Variants in PIK3CB observed in about 807,000 individuals in gnomAD.
PIK3CB encodes the protein phosphatidylinositol-4,5-bisphosphate 3-kinase catalytic subunit beta, also known as phosphatidylinositol 4,5-bisphosphate 3-kinase catalytic subunit beta isoform.
In PIK3CB, 39 loss-of-function variants were observed where a neutral mutation model predicts 136.8. That is an observed-to-expected ratio of 0.29 (90% CI 0.22 to 0.37). PIK3CB has a LOEUF of 0.37. Ranked by LOEUF, PIK3CB falls within the 10% of genes least tolerant of loss-of-function variation. The pLI is 1.00. For missense variants in PIK3CB, 868 were observed against 1,275.4 expected (o/e 0.68, Z 4.87); for synonymous variants, 428 against 436.6 (o/e 0.98, Z 0.25).
At chr3:138,775,441 G>A (rs1436043971) in intron 2 of PIK3CB, among the ~76,000 whole-genome samples, 5 of 152,116 alleles carry the variant, frequency 3.3e-5, no homozygotes, top group East Asian at 1.9e-4. Context: ...AGAGACTAGC[G>A]GAGGCATGTC....
At chr3:138,752,458 A>T (rs1252623793) in intron 4 of PIK3CB, among the ~76,000 whole-genome samples, 2 of 152,252 alleles carry the variant, frequency 1.3e-5, no homozygotes, top group African/African-American at 4.8e-5. Flanking sequence ...TCAAGTATTA[A>T]AAGTGAAAAT....
intron 13 of PIK3CB, among the ~76,000 whole-genome samples, chr3:138,697,226 A>C (rs2108524966): frequency 6.6e-6 from 1 of 152,196 alleles, no homozygotes; most frequent in South Asian, 2.1e-4. Flanking sequence ...AAAAATGCTT[A>C]GATCTTGTTT....
intron 1 of PIK3CB, among the ~76,000 whole-genome samples, chr3:138,804,798 G>A (rs9854852): frequency 0.34 from 51,289 of 151,632 alleles, 10,204 homozygotes; most frequent in Non-Finnish European, 0.46. Flanking sequence ...GCCAAGGTGG[G>A]CGGATCACGA....
intron 11 of PIK3CB, among the ~76,000 whole-genome samples, chr3:138,705,172 AACAAAAAAC>A (rs1353180819): frequency 1.1e-5 from 1 of 87,482 alleles, no homozygotes; most frequent in African/African-American, 5.7e-5. Flanking sequence ...AAAAAAAAAA[AACAAAAAAC>A]AAAACAAACA....
intron 6 of PIK3CB, among the ~76,000 whole-genome samples, chr3:138,735,539 A>G (rs1479163570): frequency 6.6e-6 from 1 of 152,204 alleles, no homozygotes; most frequent in Non-Finnish European, 1.5e-5. Flanking sequence ...CACACTTTCT[A>G]TGGATCCCTG....
rs2043461638 is a variant in PIK3CB at position 138,668,545 on chromosome 3, C to A, written c.2505-3342G>T. ...GTAATGTTTACCCTCCTTTCTCAGA[C>A]TCTCTGACTGAAGTAGCAATCTGTT... On this transcript the variant is annotated intron_variant, in intron 19 of 23. Transcript: ENST00000674063. Among the ~76,000 whole-genome samples the A allele has an allele frequency of 4.6e-5, 7 of 152,204 alleles. 1 individual carries two copies. The South Asian group carries it at 1.2e-3, about 27-fold the overall frequency.
chr3:138,806,401 G>A (rs1048633393), intron 1 of PIK3CB, among the ~76,000 whole-genome samples: 1 of 152,070 alleles, frequency 6.6e-6, no homozygotes, highest in African/African-American at 2.4e-5. Flanking sequence ...CAGGAGAATT[G>A]CTTGAACCAG....
intron 19 of PIK3CB, among the ~76,000 whole-genome samples, chr3:138,668,395 A>G (rs1169744296): frequency 6.6e-6 from 1 of 152,170 alleles, no homozygotes; most frequent in East Asian, 1.9e-4. Flanking sequence ...AGGAAAAAAC[A>G]TCCTTCTCAG....
chr3:138,679,559 ATTTCC>A (rs1366880211), intron 19 of PIK3CB, among the ~76,000 whole-genome samples: 1 of 151,862 alleles, frequency 6.6e-6, no homozygotes. Flanking sequence ...GTACATAAAT[ATTTCC>A]ATTTTAAAAG....
At chr3:138,672,140 G>C (rs988327284) in intron 19 of PIK3CB, among the ~76,000 whole-genome samples, 1 of 152,142 alleles carries the variant, frequency 6.6e-6, no homozygotes, top group Non-Finnish European at 1.5e-5. Context: ...ATTATTTGAA[G>C]AGGAACCTCA....
chr3:138,689,829 T>C (rs886806420), intron 15 of PIK3CB, among the ~76,000 whole-genome samples: 2 of 152,232 alleles, frequency 1.3e-5, no homozygotes, highest in African/African-American at 2.4e-5. Context: ...AAGTCTAAAA[T>C]GTGTACATCT....
At chr3:138,687,126 C>CTAA (rs1168819267) in intron 16 of PIK3CB, among the ~76,000 whole-genome samples, 1 of 151,784 alleles carries the variant, frequency 6.6e-6, no homozygotes, top group African/African-American at 2.4e-5. Flanking sequence ...GGACATAAGT[C>CTAA]TAATACTTTA....
At chr3:138,781,547 G>T (rs1354100107) in intron 2 of PIK3CB, among the ~76,000 whole-genome samples, 1 of 151,904 alleles carries the variant, frequency 6.6e-6, no homozygotes, top group African/African-American at 2.4e-5. Flanking sequence ...CCGACTCCCG[G>T]GTTCAGGTGA....
At chr3:138,727,262 G>C (rs573054180) in intron 8 of PIK3CB, among the ~76,000 whole-genome samples, 1 of 152,178 alleles carries the variant, frequency 6.6e-6, no homozygotes, top group Admixed American at 6.5e-5. Flanking sequence ...CTGCAAATAC[G>C]ATGGATTAGA....
In PIK3CB at chr3:138,799,906, T is replaced by G. The variant is rs1458951071; in HGVS notation, c.-121-3339A>C. On this transcript the variant is annotated intron_variant, in intron 1 of 23. Transcript: ENST00000674063. ...GTTGCCCAGGCTGGTCTCGAACTCCTGTGCTCAAGAGATCCACCCACTTCA... is the reference window on the plus strand; with the variant it reads ...GTTGCCCAGGCTGGTCTCGAACTCCGGTGCTCAAGAGATCCACCCACTTCA... Among the ~76,000 whole-genome samples, 4 of 152,072 alleles carry G rather than the reference T, an allele frequency of 2.6e-5. No homozygotes were observed. The East Asian group carries it at 7.7e-4, about 29-fold the overall frequency.
At chr3:138,804,971 G>A (rs2046216509) in intron 1 of PIK3CB, among the ~76,000 whole-genome samples, 1 of 152,020 alleles carries the variant, frequency 6.6e-6, no homozygotes, top group Non-Finnish European at 1.5e-5. Flanking sequence ...CTTGCAGTGA[G>A]CTGAGATCGT....
intron 1 of PIK3CB, chr3:138,825,356 C>G: frequency 7.5e-6 from 4 of 536,216 alleles, no homozygotes; most frequent in Non-Finnish European, 1.3e-5. Flanking sequence ...GTCAGCATGC[C>G]CTTCTGGCTT....
intron 2 of PIK3CB, chr3:138,778,942 C>A (rs1306854119): frequency 1.3e-5 from 2 of 154,344 alleles, no homozygotes; most frequent in Admixed American, 1.3e-4. Flanking sequence ...ATGCCAGACC[C>A]CCTGAAAAAT....
chr3:138,761,628 G>C (rs539067703), intron 2 of PIK3CB, among the ~76,000 whole-genome samples: 3 of 152,294 alleles, frequency 2.0e-5, no homozygotes, highest in Admixed American at 6.5e-5. Flanking sequence ...AAATTAGCCA[G>C]GCATGGTGGC....
Sources: gnomAD v4.1 joint callset for allele counts (sites outside exome capture counted in the v4.1 genomes callset) on GRCh38, gnomAD v4.1.1 for gene constraint, MANE v1.5 for transcripts, NCBI Gene and HGNC (gene_info 2026-07-23, HGNC 2026-07-21) for gene names.